The following PCP4 variants were observed in gnomAD, a reference collection of about 807,000 sequenced individuals.
PCP4 encodes Purkinje cell protein 4.
PCP4 carries 8 observed loss-of-function variants against 10.0 expected under a neutral mutation model. The ratio of observed to expected loss-of-function variants is 0.80; its 90% CI spans 0.47 to 1.45. The LOEUF is 1.45. Among genes scored for constraint, PCP4 ranks in the 40% most tolerant of loss-of-function variants. The pLI, the probability that PCP4 is intolerant of heterozygous loss-of-function variation, is 0.00. For synonymous variants in PCP4, 21 were observed against 23.0 expected (o/e 0.91, Z 0.24); for missense variants, 54 against 74.4 (o/e 0.73, Z 1.01).
intron 1 of PCP4, among the ~76,000 whole-genome samples, chr21:39,880,130 GTATCTATATCTATATCTA>G (rs57501558): frequency 0.026 from 3,704 of 141,580 alleles, 64 homozygotes; most frequent in Non-Finnish European, 0.031. Context: ...ATCTATATCT[GTATCTATATCTATATCTA>G]TATCTATATC....
intron 1 of PCP4, among the ~76,000 whole-genome samples, chr21:39,873,950 TG>T (rs1413120510): frequency 2.6e-5 from 4 of 152,226 alleles, no homozygotes; most frequent in Non-Finnish European, 5.9e-5. Flanking sequence ...ATTCCATTTC[TG>T]GAAGGGAAAC....
chr21:39,907,474 A>G (rs2087517769), intron 2 of PCP4, among the ~76,000 whole-genome samples: 1 of 152,158 alleles, frequency 6.6e-6, no homozygotes, highest in South Asian at 2.1e-4. Flanking sequence ...AGGTACAGCT[A>G]AGCTGTGGCA....
At position 39,869,214 on chromosome 21, in the gene PCP4, G is replaced by A. The variant is rs368232121; in HGVS notation, c.9+1704G>A. Among the ~76,000 whole-genome samples the A allele has an allele frequency of 2.1e-3, 325 of 152,330 alleles. 1 individual carries two copies. The highest frequency in any genetic ancestry group is 7.3e-3 in the African/African-American group (303 of 41,582). ...CCTGGGATTCTGGCTCAGTCATGCC[G>A]TCACTTGCTGAGGCTTCTGGCCAGC... is the stretch of plus-strand genomic sequence containing the variant. On this transcript the variant is annotated intron_variant, in intron 1 of 2. Coordinates refer to ENST00000328619, the MANE Select transcript of PCP4 (RefSeq NM_006198.3).
chr21:39,874,319 C>G (rs1195358460), intron 1 of PCP4, among the ~76,000 whole-genome samples: 1 of 152,112 alleles, frequency 6.6e-6, no homozygotes. Flanking sequence ...GTTCAAAAGA[C>G]AACTTTTGAA....
intron 2 of PCP4, among the ~76,000 whole-genome samples, chr21:39,927,353 C>CTA (rs1568863863): frequency 1.8e-4 from 11 of 62,642 alleles, no homozygotes; most frequent in African/African-American, 5.9e-4. Context: ...ATCTATCTAT[C>CTA]TATCTATCTA....
At chr21:39,870,918 C>T (rs536083487) in intron 1 of PCP4, among the ~76,000 whole-genome samples, 40 of 152,324 alleles carry the variant, frequency 2.6e-4, no homozygotes, top group African/African-American at 9.1e-4. Context: ...TTCGTCTAGA[C>T]ATTGGCCGCA....
At chr21:39,908,043 G>A (rs781160153) in intron 2 of PCP4, among the ~76,000 whole-genome samples, 6 of 152,040 alleles carry the variant, frequency 3.9e-5, no homozygotes, top group East Asian at 1.9e-4. Flanking sequence ...CTTATTATAC[G>A]ATAAGTGATT....
At chr21:39,883,497 C>T (rs1189384066) in intron 1 of PCP4, 2 of 152,170 alleles carry the variant, frequency 1.3e-5, no homozygotes, top group Admixed American at 1.3e-4. Flanking sequence ...CAAAATGCAT[C>T]CGTTGGAATC....
chr21:39,887,471 T>C (rs2087406169), intron 1 of PCP4, among the ~76,000 whole-genome samples: 3 of 152,158 alleles, frequency 2.0e-5, no homozygotes, highest in Non-Finnish European at 4.4e-5. Flanking sequence ...GAATTATAGA[T>C]GACAAAAATA....
At chr21:39,920,325 ATG>A (rs1007140453) in intron 2 of PCP4, among the ~76,000 whole-genome samples, 4 of 111,900 alleles carry the variant, frequency 3.6e-5, no homozygotes, top group Non-Finnish European at 7.4e-5. Context: ...GTGATGTGTG[ATG>A]TGTGTGTGGT....
At chr21:39,911,207 G>A (rs755459862) in intron 2 of PCP4, among the ~76,000 whole-genome samples, 1 of 152,080 alleles carries the variant, frequency 6.6e-6, no homozygotes, top group Non-Finnish European at 1.5e-5. Context: ...GATTGTCACC[G>A]GCTGTGAACA....
At chr21:39,891,346 C>T (rs1482728441) in intron 1 of PCP4, among the ~76,000 whole-genome samples, 1 of 152,160 alleles carries the variant, frequency 6.6e-6, no homozygotes, top group Non-Finnish European at 1.5e-5. Flanking sequence ...TCAATCACCT[C>T]CACCTCCACC....
At chr21:39,899,051 C>T (rs2087470590) in intron 2 of PCP4, among the ~76,000 whole-genome samples, 1 of 152,130 alleles carries the variant, frequency 6.6e-6, no homozygotes, top group African/African-American at 2.4e-5. Context: ...CATCCTGCCT[C>T]TTCATGGGCC....
intron 1 of PCP4, among the ~76,000 whole-genome samples, chr21:39,894,389 G>A (rs960091155): frequency 1.3e-5 from 2 of 152,146 alleles, no homozygotes; most frequent in Non-Finnish European, 2.9e-5. Flanking sequence ...TGACAAATTC[G>A]CAGATATCTG....
chr21:39,919,053 C>T (rs2087582387), intron 2 of PCP4, among the ~76,000 whole-genome samples: 3 of 152,200 alleles, frequency 2.0e-5, no homozygotes, highest in Admixed American at 2.0e-4. Flanking sequence ...GCCTTATTCT[C>T]TGAGTATATC....
At chr21:39,918,812 C>T (rs940722403) in intron 2 of PCP4, among the ~76,000 whole-genome samples, 2 of 152,126 alleles carry the variant, frequency 1.3e-5, no homozygotes, top group African/African-American at 4.8e-5. Context: ...TGTTGGAATC[C>T]CACACTCCCC....
At chr21:39,887,873 G>C (rs2087408233) in intron 1 of PCP4, among the ~76,000 whole-genome samples, 1 of 152,164 alleles carries the variant, frequency 6.6e-6, no homozygotes, top group Admixed American at 6.5e-5. Context: ...GGGCTTACTG[G>C]GGTGACTGGA....
intron 2 of PCP4, among the ~76,000 whole-genome samples, chr21:39,901,367 G>A (rs951535911): frequency 6.6e-6 from 1 of 152,228 alleles, no homozygotes; most frequent in Admixed American, 6.5e-5. Flanking sequence ...ATGCCTTGAG[G>A]AGCCTGAAGA....
chr21:39,890,018 C>A (rs979753840), intron 1 of PCP4, among the ~76,000 whole-genome samples: 7 of 152,132 alleles, frequency 4.6e-5, no homozygotes, highest in Non-Finnish European at 7.3e-5. Flanking sequence ...TGGCTTCTAA[C>A]TGATGTATGA....
Sources: gnomAD v4.1 joint callset for allele counts (sites outside exome capture counted in the v4.1 genomes callset) on GRCh38, gnomAD v4.1.1 for gene constraint, MANE v1.5 for transcripts, NCBI Gene and HGNC (gene_info 2026-07-23, HGNC 2026-07-21) for gene names.